The following TAOK3 variants were observed in gnomAD, a reference collection of about 807,000 sequenced individuals.
The protein encoded by TAOK3 is TAO kinase 3, also known as serine/threonine-protein kinase TAO3.
TAOK3 carries 40 observed loss-of-function variants against 120.4 expected under a neutral mutation model. That is an observed-to-expected ratio of 0.33 (90% CI 0.26 to 0.43). The LOEUF (loss-of-function observed/expected upper bound fraction) is 0.43. TAOK3 is among the 20% of genes least tolerant of loss of function. The pLI is 1.00. For missense variants in TAOK3, 821 were observed against 1,112.1 expected (o/e 0.74, Z 3.72); for synonymous variants, 355 against 387.5 (o/e 0.92, Z 0.99).
chr12:118,308,125 C>T (rs895475838), intron 1 of TAOK3, among the ~76,000 whole-genome samples: 3 of 152,032 alleles, frequency 2.0e-5, no homozygotes, highest in Admixed American at 6.5e-5. Context: ...GTAAAGAAGC[C>T]GGCCAAAACC....
chr12:118,218,745 A>T (rs1386666077), intron 9 of TAOK3, among the ~76,000 whole-genome samples: 1 of 152,060 alleles, frequency 6.6e-6, no homozygotes, highest in Admixed American at 6.6e-5. Flanking sequence ...AACCGTATTT[A>T]AAACCACGTG....
At chr12:118,168,060 TAA>T (rs10592752) in intron 17 of TAOK3, among the ~76,000 whole-genome samples, 4,441 of 152,252 alleles carry the variant, frequency 0.029, 180 homozygotes, top group African/African-American at 0.091. Flanking sequence ...CTCATTTTTG[TAA>T]AGTCATATAT....
intron 3 of TAOK3, among the ~76,000 whole-genome samples, chr12:118,253,055 T>C (rs770567676): frequency 6.6e-6 from 1 of 152,078 alleles, no homozygotes; most frequent in Non-Finnish European, 1.5e-5. Flanking sequence ...GCCAGAAAAA[T>C]CTTTTATTGT....
At chr12:118,341,845 G>A (rs1244733354) in intron 1 of TAOK3, among the ~76,000 whole-genome samples, 2 of 152,248 alleles carry the variant, frequency 1.3e-5, no homozygotes, top group East Asian at 3.9e-4. Flanking sequence ...GCAATATAGT[G>A]AAATCTAATG....
intron 1 of TAOK3, among the ~76,000 whole-genome samples, chr12:118,282,611 T>C (rs1180781803): frequency 1.3e-5 from 2 of 152,198 alleles, no homozygotes; most frequent in Non-Finnish European, 2.9e-5. Flanking sequence ...GCTCATAGAA[T>C]GAATTGGGAA....
intron 11 of TAOK3, among the ~76,000 whole-genome samples, chr12:118,209,254 T>A (rs2038494618): frequency 6.6e-6 from 1 of 152,064 alleles, no homozygotes; most frequent in South Asian, 2.1e-4. Context: ...GTGGAACGGT[T>A]TTTATGGTTT....
chr12:118,172,278 T>A (rs2036040248), intron 17 of TAOK3, among the ~76,000 whole-genome samples, 179 bp downstream of exon 17: 1 of 152,220 alleles, frequency 6.6e-6, no homozygotes, highest in South Asian at 2.1e-4. Flanking sequence ...GTGGGCTTCC[T>A]CTTATCAATA....
intron 1 of TAOK3, among the ~76,000 whole-genome samples, chr12:118,360,697 CATAT>C (rs1276317026): frequency 6.6e-6 from 1 of 151,920 alleles, no homozygotes; most frequent in Non-Finnish European, 1.5e-5. Context: ...TGTGGTCATT[CATAT>C]AATATTTAGT....
intron 11 of TAOK3, among the ~76,000 whole-genome samples, 168 bp from the exon 12 acceptor site, chr12:118,201,631 TAA>T (rs1300560034): frequency 6.6e-6 from 1 of 152,216 alleles, no homozygotes; most frequent in East Asian, 1.9e-4. Flanking sequence ...GTAAATCTCA[TAA>T]AGAGATAGCT....
intron 5 of TAOK3, among the ~76,000 whole-genome samples, chr12:118,239,919 C>T (rs1184220335): frequency 6.6e-6 from 1 of 152,116 alleles, no homozygotes; most frequent in Admixed American, 6.5e-5. Context: ...GTAATCCCAG[C>T]ACTTTGGGAG....
rs2035133209 is a variant in TAOK3, at chr12:118,160,332, C to G, written c.2166G>C (p.Gln722His). The G allele has an allele frequency of 1.2e-6, 2 of 1,614,038 alleles. No individual in the cohort carries two copies. The highest frequency in any genetic ancestry group is 1.7e-6 in the Non-Finnish European group (2 of 1,179,980). Residue 722 changes from glutamine to histidine, a missense_variant, in exon 19 of 21, where the codon CAG (glutamine) becomes CAC (histidine). Gln to His is a conservative substitution (Grantham distance 24). Around this residue, in one of 2 missense-constraint regions of TAOK3, gnomAD observed 354 missense variants for 572.1 expected, o/e 0.62. Coordinates refer to ENST00000392533, the MANE Select transcript of TAOK3 (RefSeq NM_016281.4). The surrounding 1 kb of genome is among the most constrained non-coding windows in gnomAD (Gnocchi z 4.2). Reference sequence around the variant, plus strand: ...TCTGTACTTTGCAAGTGTCCTGAAACTGTTTTTTAATTTGCATTTCCATGG... The same window carrying G: ...TCTGTACTTTGCAAGTGTCCTGAAAGTGTTTTTTAATTTGCATTTCCATGG... Reference protein sequence around the residue: ...LKAMEMQIKKQFQDTCKVQTK... With the variant: ...LKAMEMQIKKHFQDTCKVQTK...
At chr12:118,324,546 C>T (rs2043850068) in intron 1 of TAOK3, among the ~76,000 whole-genome samples, 1 of 151,728 alleles carries the variant, frequency 6.6e-6, no homozygotes, top group African/African-American at 2.4e-5. Context: ...ATCTGTCTTC[C>T]CTGCTATCCT....
At chr12:118,261,191 T>C (rs2041213075) in intron 2 of TAOK3, among the ~76,000 whole-genome samples, 1 of 152,180 alleles carries the variant, frequency 6.6e-6, no homozygotes, top group Admixed American at 6.5e-5. Context: ...TGGAACATCT[T>C]CACGTGGCCT....
intron 1 of TAOK3, among the ~76,000 whole-genome samples, chr12:118,339,275 CTTTTTTTTTTTTT>C (rs72009582): frequency 2.3e-5 from 2 of 86,922 alleles, no homozygotes; most frequent in East Asian, 4.2e-4. Context: ...CTTCATCATA[CTTTTTTTTTTTTT>C]TTTTTTTTTT....
chr12:118,364,410 A>G (rs2045688820), intron 1 of TAOK3, among the ~76,000 whole-genome samples: 1 of 151,992 alleles, frequency 6.6e-6, no homozygotes, highest in Admixed American at 6.6e-5. Context: ...CTGAGTTGAA[A>G]AACCAGATCT....
chr12:118,205,086 C>CAT, intron 11 of TAOK3, among the ~76,000 whole-genome samples: 1 of 151,666 alleles, frequency 6.6e-6, no homozygotes, highest in African/African-American at 2.4e-5. Flanking sequence ...AGGAGAATTG[C>CAT]TTGAACTTGG....
chr12:118,239,141 C>A (rs140265546), intron 6 of TAOK3, 86 bp downstream of exon 6: 324 of 864,868 alleles, frequency 3.7e-4, no homozygotes, highest in Non-Finnish European at 5.5e-4. Flanking sequence ...TTCAATTAGA[C>A]TGCCCAAACT....
chr12:118,150,868 CAGTAAG>C lies in TAOK3; in HGVS notation c.*123_*128del, dbSNP rs1292263236. 2.0e-6 allele frequency: 2 copies of C among 1,003,232 alleles called. No homozygotes were observed. The highest frequency in any genetic ancestry group is 2.8e-6 in the Non-Finnish European group (2 of 702,968). 62.1% of individuals were successfully genotyped at this position (1,003,232 alleles called of 1,614,324 possible). A position where few individuals can be genotyped will look rare whatever the true frequency, so the allele number is the denominator to read the frequency against. ...AACAGGCACTAGTCCGACACGATGT[CAGTAAG>C]AGTAAGAGAGAGAGAGAGTGAGAGC... On this transcript the variant is annotated 3_prime_UTR_variant, in exon 21 of 21. Transcript: ENST00000392533.
intron 14 of TAOK3, among the ~76,000 whole-genome samples, chr12:118,182,898 C>T (rs1352677308): frequency 6.6e-6 from 1 of 151,968 alleles, no homozygotes. Flanking sequence ...AGTGAACATC[C>T]AACAAATTAA....
Sources: gnomAD v4.1 joint callset for allele counts (sites outside exome capture counted in the v4.1 genomes callset) on GRCh38, gnomAD v4.1.1 for gene constraint, gnomAD v4.1.1 regional missense constraint, Gnocchi (gnomAD v3.1) non-coding constraint, MANE v1.5 for transcripts, NCBI Gene and HGNC (gene_info 2026-07-23, HGNC 2026-07-21) for gene names.